Variants in NOL10 observed in about 807,000 individuals in gnomAD.
The protein encoded by NOL10 is nucleolar protein 10.
Under a neutral mutation model 103.5 loss-of-function variants are expected in NOL10, and 58 were observed. That is an observed-to-expected ratio of 0.56 (90% CI 0.45 to 0.70). The LOEUF is 0.70. Among genes scored for constraint, NOL10 ranks in the 30% least tolerant of loss-of-function variants. The probability of loss-of-function intolerance (pLI) is 0.00; values close to 1 mark genes in which losing one functional copy is unlikely to be tolerated. For synonymous variants in NOL10, 287 were observed against 282.5 expected, an observed-to-expected ratio of 1.02 and a Z score of -0.16; for missense variants, 763 against 807.3, an observed-to-expected ratio of 0.95 and a Z score of 0.67.
chr2:10,634,363 G>A (rs990248791), intron 13 of NOL10, among the ~76,000 whole-genome samples: 10 of 152,324 alleles, frequency 6.6e-5, no homozygotes, highest in African/African-American at 2.2e-4. Flanking sequence ...GATGGCTCCT[G>A]CGCTCTAAGC....
chr2:10,662,178 A>G (rs1335429515), intron 9 of NOL10, among the ~76,000 whole-genome samples: 2 of 152,264 alleles, frequency 1.3e-5, no homozygotes, highest in Non-Finnish European at 2.9e-5. Flanking sequence ...CAGTGCCTAC[A>G]GCAAAGGGCT....
At chr2:10,575,601 A>C (rs1181701009) in intron 20 of NOL10, among the ~76,000 whole-genome samples, 1 of 152,174 alleles carries the variant, frequency 6.6e-6, no homozygotes, top group Non-Finnish European at 1.5e-5. Context: ...GAGCCATCTT[A>C]TTTTCATTTT....
chr2:10,655,289 A>AAAAGG (rs1014926629), intron 11 of NOL10, among the ~76,000 whole-genome samples: 62 of 152,086 alleles, frequency 4.1e-4, no homozygotes, highest in East Asian at 1.2e-3. Context: ...GAAGAAAAGA[A>AAAAGG]AAAGGAAAGG....
intron 7 of NOL10, among the ~76,000 whole-genome samples, chr2:10,668,000 C>T (rs1680664572): frequency 6.6e-6 from 1 of 152,184 alleles, no homozygotes. Context: ...CCAGCTTCCA[C>T]CCTTGACTAG....
rs1676081071 is a variant in NOL10 at position 10,603,215 on chromosome 2, C to T, written c.1154-58G>A. 3.1e-6 allele frequency: 4 copies of T among 1,302,590 alleles called. 1 individual carries two copies. In the South Asian group the frequency reaches 4.0e-5, roughly 13 times the overall value. The allele number at this position is 1,302,590 out of a possible 1,614,324, so 80.7% of individuals were successfully genotyped here. A position where few individuals can be genotyped will look rare whatever the true frequency, so the allele number is the denominator to read the frequency against. ...TTATGCAATCTTCATTAACATTCAA[C>T]AGTTTTTCTTGGGCAACAATTTGAT... On this transcript the variant is annotated intron_variant, in intron 14 of 20. Transcript: ENST00000381685.
intron 11 of NOL10, among the ~76,000 whole-genome samples, chr2:10,654,972 G>A (rs1428676947): frequency 2.0e-5 from 3 of 152,128 alleles, no homozygotes; most frequent in Non-Finnish European, 4.4e-5. Context: ...CACTTTGGGA[G>A]GCTGAGGCGT....
chr2:10,629,243 A>G (rs1197154601), intron 13 of NOL10, among the ~76,000 whole-genome samples: 1 of 152,160 alleles, frequency 6.6e-6, no homozygotes, highest in Non-Finnish European at 1.5e-5. Flanking sequence ...AATATCCCAA[A>G]TGCAAAGAAA....
At chr2:10,665,759 A>G (rs1276268323) in intron 8 of NOL10, among the ~76,000 whole-genome samples, 1 of 152,248 alleles carries the variant, frequency 6.6e-6, no homozygotes, top group Non-Finnish European at 1.5e-5. Flanking sequence ...ATCTCAAGTA[A>G]CCTGACTACC....
At chr2:10,574,584 G>T (rs182987755) in intron 20 of NOL10, among the ~76,000 whole-genome samples, 1 of 149,844 alleles carries the variant, frequency 6.7e-6, no homozygotes, top group South Asian at 2.1e-4. Flanking sequence ...GAGGTGGAGC[G>T]TGCATTGAGC....
At chr2:10,658,590 T>C (rs538430542) in intron 10 of NOL10, among the ~76,000 whole-genome samples, 107 of 152,282 alleles carry the variant, frequency 7.0e-4, no homozygotes, top group Middle Eastern at 6.8e-3. Context: ...AAAAAGTTCC[T>C]TGAACACACA....
chr2:10,579,985 G>C (rs896587946), intron 19 of NOL10, among the ~76,000 whole-genome samples: 2 of 152,188 alleles, frequency 1.3e-5, no homozygotes, highest in African/African-American at 4.8e-5. Flanking sequence ...ATGTGCACTT[G>C]TAAAAACTTG....
At chr2:10,648,863 T>C (rs557471141) in intron 12 of NOL10, among the ~76,000 whole-genome samples, 160 of 152,076 alleles carry the variant, frequency 1.1e-3, no homozygotes, top group Non-Finnish European at 2.0e-3. Flanking sequence ...AAGAAAAAGA[T>C]GTGGGGGACT....
intron 9 of NOL10, among the ~76,000 whole-genome samples, chr2:10,660,804 A>T (rs976482954): frequency 2.0e-5 from 3 of 152,120 alleles, no homozygotes; most frequent in Non-Finnish European, 2.9e-5. Flanking sequence ...AGGCACAGAA[A>T]CTTATGTCAT....
rs1682518317 is a variant in NOL10, at chr2:10,689,918, C to T, written c.-57G>A. ...CCTTTCCCACCAGCGTGCTCGAGCA[C>T]CGTAATCCCGGGACCTCCGAGCCCC... On this transcript the variant is annotated 5_prime_UTR_variant, in exon 1 of 21. In the 5' UTR this introduces an upstream ATG that the reference lacks. Coordinates refer to ENST00000381685, the MANE Select transcript of NOL10 (RefSeq NM_024894.4). 3 of 1,521,444 alleles carry T rather than the reference C, an allele frequency of 2.0e-6. No homozygotes were observed. Among genetic ancestry groups the T allele is most frequent in the Admixed American group, 1.9e-5 (1 of 51,784 alleles). The allele number at this position is 1,521,444 out of a possible 1,614,324, so 94.2% of individuals were successfully genotyped here.
At chr2:10,681,312 TAAC>T (rs1037621658) in intron 3 of NOL10, among the ~76,000 whole-genome samples, 2 of 151,830 alleles carry the variant, frequency 1.3e-5, no homozygotes, top group African/African-American at 4.8e-5. Context: ...TTGACACATA[TAAC>T]AACATGTATG....
intron 19 of NOL10, 120 bp downstream of exon 19, chr2:10,588,923 C>T: frequency 6.9e-7 from 1 of 1,444,010 alleles, no homozygotes; most frequent in Non-Finnish European, 9.3e-7. Context: ...CCCTCGTCCC[C>T]TCCACCCTCT....
intron 17 of NOL10, among the ~76,000 whole-genome samples, chr2:10,595,242 G>A (rs1451833671): frequency 2.6e-5 from 4 of 151,920 alleles, no homozygotes; most frequent in Non-Finnish European, 5.9e-5. Context: ...TGAAAATGGA[G>A]GAAGGCAGAG....
intron 14 of NOL10, chr2:10,604,759 A>G (rs1676156907): frequency 6.6e-6 from 1 of 152,252 alleles, no homozygotes; most frequent in Non-Finnish European, 1.5e-5. Context: ...TCCTAACCCG[A>G]GAATCGGATG....
intron 16 of NOL10, among the ~76,000 whole-genome samples, chr2:10,601,433 G>A (rs1675971385): frequency 1.3e-5 from 2 of 152,152 alleles, no homozygotes; most frequent in African/African-American, 4.8e-5. Context: ...GATACCAGGT[G>A]GGCCACATGG....
Sources: allele counts gnomAD v4.1 joint callset (sites outside exome capture counted in the v4.1 genomes callset), GRCh38; gene constraint gnomAD v4.1.1; transcripts MANE v1.5; gene names NCBI Gene and HGNC (gene_info 2026-07-23, HGNC 2026-07-21).